The following ADAMTS12 variants were observed in gnomAD, a reference collection of about 807,000 sequenced individuals.
ADAMTS12 encodes the protein A disintegrin and metalloproteinase with thrombospondin motifs 12.
Under a neutral mutation model 167.8 loss-of-function variants are expected in ADAMTS12, and 118 were observed. That is an observed-to-expected ratio of 0.70 (90% CI 0.61 to 0.82). The LOEUF is 0.82. Ranked by LOEUF, ADAMTS12 falls within the 40% of genes least tolerant of loss-of-function variation. The probability of loss-of-function intolerance (pLI) is 0.00; values close to 1 mark genes in which losing one functional copy is unlikely to be tolerated. For missense variants in ADAMTS12, 1,916 were observed against 1,998.8 expected (o/e 0.96, Z 0.79); for synonymous variants, 704 against 716.9 (o/e 0.98, Z 0.29).
At chr5:33,598,271 C>A (rs1273921682) in intron 16 of ADAMTS12, among the ~76,000 whole-genome samples, 1 of 152,140 alleles carries the variant, frequency 6.6e-6, no homozygotes, top group Non-Finnish European at 1.5e-5. Context: ...CCAATGAGGG[C>A]CCCAACCCAG....
In ADAMTS12 at chr5:33,525,994, C is replaced by T. The variant is rs1743795809; in HGVS notation, c.*1194G>A. ...TTTCATTTCAGTTTCTTTGGACTCC[C>T]TGATTCACCTGTTCTCCCCAAAGTA... On this transcript the variant is annotated 3_prime_UTR_variant, in exon 24 of 24. Coordinates refer to ENST00000504830, the MANE Select transcript of ADAMTS12 (RefSeq NM_030955.4). 1 of 152,188 alleles carries T rather than the reference C, an allele frequency of 6.6e-6. No homozygotes were observed. Among genetic ancestry groups the T allele is most frequent in the Non-Finnish European group, 1.5e-5 (1 of 68,042 alleles). 9.4% of individuals were successfully genotyped at this position (152,188 alleles called of 1,614,324 possible).
chr5:33,603,428 T>G (rs900336430), intron 16 of ADAMTS12: 8 of 152,212 alleles, frequency 5.3e-5, no homozygotes, highest in African/African-American at 1.9e-4. Flanking sequence ...CTCAGATAAA[T>G]TACTTTCATT....
chr5:33,755,154 C>A (rs931243325), intron 2 of ADAMTS12, among the ~76,000 whole-genome samples: 1 of 152,246 alleles, frequency 6.6e-6, no homozygotes, highest in Admixed American at 6.5e-5. Flanking sequence ...ATTTTGAATT[C>A]TTTGGAGGAA....
intron 2 of ADAMTS12, among the ~76,000 whole-genome samples, chr5:33,879,099 T>C (rs960964991): frequency 1.3e-5 from 2 of 152,206 alleles, no homozygotes; most frequent in Admixed American, 6.5e-5. Context: ...TTCATGGTGA[T>C]GGCTGCACAA....
intron 22 of ADAMTS12, among the ~76,000 whole-genome samples, chr5:33,538,087 G>A (rs1331456874): frequency 6.6e-6 from 1 of 152,106 alleles, no homozygotes; most frequent in Non-Finnish European, 1.5e-5. Flanking sequence ...ATGTGTATTA[G>A]CCTAGTTTCA....
At chr5:33,670,237 A>G (rs780273048) in intron 5 of ADAMTS12, among the ~76,000 whole-genome samples, 5 of 152,214 alleles carry the variant, frequency 3.3e-5, no homozygotes, top group Non-Finnish European at 5.9e-5. Flanking sequence ...ATAAGCACAT[A>G]AAAAGATACT....
rs778485977 is a variant in ADAMTS12 at position 33,596,019 on chromosome 5, C to T, written c.2569G>A (p.Gly857Arg). The change falls in exon 17 of 24, where the codon GGG (glycine) becomes AGG (arginine). Residue 857 changes from glycine to arginine, a missense_variant. Transcript: ENST00000504830. ...QTAHCIKKGRGMVKATFCDPE... is the reference protein window; with the variant it reads ...QTAHCIKKGRRMVKATFCDPE... Reference sequence around the variant, plus strand: ...TCACAGAATGTAGCTTTCACCATCCCGCGGCCCTTCTTTATGCAATGGGCA... The same window carrying T: ...TCACAGAATGTAGCTTTCACCATCCTGCGGCCCTTCTTTATGCAATGGGCA... The T allele has an allele frequency of 1.4e-5, 22 of 1,613,948 alleles. No individual in the cohort carries two copies. The highest frequency in any genetic ancestry group is 1.6e-4 in the Middle Eastern group (1 of 6,084).
At chr5:33,561,240 T>C in intron 19 of ADAMTS12, 61 bp from the exon 20 acceptor site, 1 of 1,580,076 alleles carries the variant, frequency 6.3e-7, no homozygotes, top group Non-Finnish European at 8.6e-7. Flanking sequence ...ACATGCCCCA[T>C]CACTGGGATC....
chr5:33,589,179 A>T (rs919228206), intron 17 of ADAMTS12, among the ~76,000 whole-genome samples: 1 of 152,058 alleles, frequency 6.6e-6, no homozygotes, highest in South Asian at 2.1e-4. Flanking sequence ...TCTTTATATG[A>T]GTGTTGTGTT....
Position 33,834,089 on chromosome 5 carries a change from GT to G in ADAMTS12, c.489+47029del, listed in dbSNP as rs559440826. On this transcript the variant is annotated intron_variant, in intron 2 of 23. Coordinates refer to ENST00000504830, the MANE Select transcript of ADAMTS12 (RefSeq NM_030955.4). The stretch of plus-strand genomic sequence containing the variant: ...CTTTAGATGGCTGTCTTGTCCCTCT[GT>G]CTCAAATCATAATCCCTCTGTATGT... Among the ~76,000 whole-genome samples, 211 of 152,252 alleles carry G rather than the reference GT, an allele frequency of 1.4e-3. 1 individual carries two copies. The highest frequency in any genetic ancestry group is 5.0e-3 in the African/African-American group (208 of 41,554).
chr5:33,529,467 C>G (rs1743988535), intron 23 of ADAMTS12, among the ~76,000 whole-genome samples: 1 of 151,906 alleles, frequency 6.6e-6, no homozygotes, highest in Non-Finnish European at 1.5e-5. Context: ...CTTTCTTTCT[C>G]CTTTACAGAG....
At chr5:33,827,814 T>C (rs1368846948) in intron 2 of ADAMTS12, among the ~76,000 whole-genome samples, 1 of 149,830 alleles carries the variant, frequency 6.7e-6, no homozygotes, top group Non-Finnish European at 1.5e-5. Flanking sequence ...TATTGTGTCA[T>C]AAATACTATG....
intron 22 of ADAMTS12, among the ~76,000 whole-genome samples, chr5:33,541,838 G>A (rs571365303): frequency 2.0e-5 from 3 of 152,268 alleles, no homozygotes; most frequent in African/African-American, 7.2e-5. Flanking sequence ...CCTGAAGGAA[G>A]CACTAAACAT....
chr5:33,597,727 C>T (rs1297724767), intron 16 of ADAMTS12, among the ~76,000 whole-genome samples: 1 of 151,804 alleles, frequency 6.6e-6, no homozygotes, highest in African/African-American at 2.4e-5. Context: ...GACAAGTAAA[C>T]CTTCAACCTC....
intron 10 of ADAMTS12, 53 bp downstream of exon 10, chr5:33,643,325 C>A (rs1579791096): frequency 1.3e-6 from 2 of 1,592,490 alleles, no homozygotes; most frequent in East Asian, 2.2e-5. Context: ...TCAGCTCCTC[C>A]CAAGAACTCT....
chr5:33,634,302 C>G (rs1176421045), intron 12 of ADAMTS12, among the ~76,000 whole-genome samples: 3 of 152,130 alleles, frequency 2.0e-5, no homozygotes, highest in South Asian at 4.1e-4. Flanking sequence ...GGACCTCACA[C>G]TTGGTTGAAT....
chr5:33,564,119 G>A (rs1745885409), intron 19 of ADAMTS12, among the ~76,000 whole-genome samples: 1 of 152,208 alleles, frequency 6.6e-6, no homozygotes, highest in Non-Finnish European at 1.5e-5. Flanking sequence ...GAAGGCAGGA[G>A]GACATTGCAA....
At chr5:33,769,246 C>T (rs1263560875) in intron 2 of ADAMTS12, among the ~76,000 whole-genome samples, 1 of 152,156 alleles carries the variant, frequency 6.6e-6, no homozygotes, top group Non-Finnish European at 1.5e-5. Context: ...CTGATTTTGA[C>T]TCACTGAGAC....
intron 16 of ADAMTS12, 125 bp from the exon 17 acceptor site, chr5:33,596,185 C>A: frequency 7.8e-7 from 1 of 1,281,666 alleles, no homozygotes; most frequent in East Asian, 2.4e-5. Flanking sequence ...TCAAAAGTTA[C>A]TTGGTTTTAA....
Sources: allele counts gnomAD v4.1 joint callset (sites outside exome capture counted in the v4.1 genomes callset), GRCh38; gene constraint gnomAD v4.1.1; transcripts MANE v1.5; gene names NCBI Gene and HGNC (gene_info 2026-07-23, HGNC 2026-07-21).